Variants in PTPRN2 observed in about 807,000 individuals in gnomAD.
PTPRN2 encodes receptor-type tyrosine-protein phosphatase N2.
PTPRN2 carries 74 observed loss-of-function variants against 118.8 expected under a neutral mutation model. The observed-to-expected ratio is 0.62, with a 90% CI of 0.52 to 0.76. PTPRN2 has a LOEUF of 0.76. Among genes scored for constraint, PTPRN2 ranks in the 30% least tolerant of loss-of-function variants. PTPRN2 has a pLI of 0.00. For missense variants in PTPRN2, 1,481 were observed against 1,394.4 expected (o/e 1.06, Z -0.99); for synonymous variants, 641 against 608.0 (o/e 1.05, Z -0.80).
chr7:158,327,765 T>G (rs184591155), intron 2 of PTPRN2, among the ~76,000 whole-genome samples: 1 of 152,286 alleles, frequency 6.6e-6, no homozygotes, highest in Admixed American at 6.5e-5. Context: ...GAGGCTGCCT[T>G]GCCAAAGTAC....
Position 157,967,989 on chromosome 7 carries a change from G to A in PTPRN2, c.1724-69252C>T, listed in dbSNP as rs533429144. Among the ~76,000 whole-genome samples the A allele has an allele frequency of 3.3e-5, 5 of 152,196 alleles. No homozygotes were observed. In the South Asian group the frequency reaches 8.3e-4, roughly 25 times the overall value. On this transcript the variant is annotated intron_variant, in intron 11 of 22. Coordinates refer to ENST00000389418, the MANE Select transcript of PTPRN2 (RefSeq NM_002847.5). Reference sequence around the variant, plus strand: ...GATCATTTGTTAGTAACATACCTTTGGACACTGGCTTCATTCTTCAGTATC... The same window carrying A: ...GATCATTTGTTAGTAACATACCTTTAGACACTGGCTTCATTCTTCAGTATC...
At chr7:158,147,730 C>T (rs1198658969) in intron 6 of PTPRN2, among the ~76,000 whole-genome samples, 8 of 135,222 alleles carry the variant, frequency 5.9e-5, no homozygotes, top group Non-Finnish European at 6.4e-5. Context: ...CCCCATCTCA[C>T]GCCACGTGTC....
At chr7:157,846,955 C>G (rs1211560445) in intron 12 of PTPRN2, among the ~76,000 whole-genome samples, 9 of 149,220 alleles carry the variant, frequency 6.0e-5, no homozygotes, top group African/African-American at 1.2e-4. Context: ...TTCATGTGTG[C>G]CCAATGTTTA....
chr7:157,805,575 G>C (rs1805582110), intron 12 of PTPRN2, among the ~76,000 whole-genome samples: 2 of 152,290 alleles, frequency 1.3e-5, no homozygotes, highest in South Asian at 4.1e-4. Flanking sequence ...ACTCCCGGTT[G>C]TTTAAAGTCA....
intron 2 of PTPRN2, among the ~76,000 whole-genome samples, chr7:158,428,860 G>A (rs1162163479): frequency 6.6e-6 from 1 of 152,186 alleles, no homozygotes; most frequent in Non-Finnish European, 1.5e-5. Flanking sequence ...CATGGCAATG[G>A]AAATTATAAA....
chr7:158,006,616 T>C (rs1805647161), intron 11 of PTPRN2, among the ~76,000 whole-genome samples: 2 of 152,172 alleles, frequency 1.3e-5, no homozygotes, highest in African/African-American at 2.4e-5. Context: ...TGGACGGCAA[T>C]GGCTTCCTTA....
At position 158,133,196 on chromosome 7, in the gene PTPRN2, A is replaced by C. The variant is rs117420650; in HGVS notation, c.1556+481T>G. 4.4e-3 allele frequency among the ~76,000 whole-genome samples: 663 copies of C among 152,246 alleles called. 15 individuals are homozygous for C. The highest frequency in any genetic ancestry group is 0.04 in the East Asian group (205 of 5,156). ...CACTTTGGTGCAAAACAGATAAAGCACCTGGAGTCCTTCCTAACAGGCAGG... is the reference window on the plus strand; with the variant it reads ...CACTTTGGTGCAAAACAGATAAAGCCCCTGGAGTCCTTCCTAACAGGCAGG... On this transcript the variant is annotated intron_variant, in intron 9 of 22. Coordinates refer to ENST00000389418, the MANE Select transcript of PTPRN2 (RefSeq NM_002847.5).
At chr7:158,251,152 C>T (rs982390297) in intron 3 of PTPRN2, among the ~76,000 whole-genome samples, 1 of 152,140 alleles carries the variant, frequency 6.6e-6, no homozygotes, top group Admixed American at 6.5e-5. Flanking sequence ...AAGAACCACA[C>T]AGCATGACGG....
At chr7:158,560,103 G>A (rs1002857110) in intron 1 of PTPRN2, among the ~76,000 whole-genome samples, 4 of 152,204 alleles carry the variant, frequency 2.6e-5, no homozygotes, top group African/African-American at 4.8e-5. Context: ...TTTAGGACCG[G>A]CTTCTTTCAC....
chr7:158,387,175 C>T (rs111618351), intron 2 of PTPRN2, among the ~76,000 whole-genome samples: 7 of 152,362 alleles, frequency 4.6e-5, no homozygotes, highest in African/African-American at 1.7e-4. Flanking sequence ...TCAGCTTCAA[C>T]CAGCGGCTGC....
intron 3 of PTPRN2, among the ~76,000 whole-genome samples, chr7:158,312,789 A>C (rs934306996): frequency 2.7e-5 from 4 of 146,916 alleles, no homozygotes; most frequent in East Asian, 4.2e-4. Flanking sequence ...ACGCACACAC[A>C]CCTGCACACT....
In PTPRN2 at chr7:158,262,620, C is replaced by A. The variant is rs199932083; in HGVS notation, c.277+54199G>T. Among the ~76,000 whole-genome samples the A allele has an allele frequency of 3.0e-4, 44 of 148,272 alleles. No homozygotes were observed. In the East Asian group the frequency reaches 8.6e-3, roughly 29 times the overall value. On this transcript the variant is annotated intron_variant, in intron 3 of 22. Coordinates refer to ENST00000389418, the MANE Select transcript of PTPRN2 (RefSeq NM_002847.5). ...CACATTCACACACACTGCACACACA[C>A]ATACATTCACACTGCAAACATTCAC...
chr7:157,979,044 G>T (rs540721715), intron 11 of PTPRN2, among the ~76,000 whole-genome samples: 2 of 151,950 alleles, frequency 1.3e-5, no homozygotes, highest in Non-Finnish European at 2.9e-5. Flanking sequence ...ACCAAGGGCC[G>T]CCCTCCCCCA....
intron 2 of PTPRN2, among the ~76,000 whole-genome samples, chr7:158,395,764 G>C (rs192012419): frequency 0.11 from 5,741 of 54,598 alleles, 1,246 homozygotes; most frequent in East Asian, 0.41. Context: ...AGGCGCGAGG[G>C]GCGAGGGGTG....
chr7:158,149,252 G>T (rs1011778316), intron 6 of PTPRN2, among the ~76,000 whole-genome samples: 4 of 151,820 alleles, frequency 2.6e-5, no homozygotes, highest in Admixed American at 6.6e-5. Context: ...TATAGTACAG[G>T]GAACCCAATT....
At chr7:157,662,942 G>A (rs553882920) in intron 13 of PTPRN2, among the ~76,000 whole-genome samples, 9 of 152,136 alleles carry the variant, frequency 5.9e-5, no homozygotes, top group African/African-American at 1.7e-4. Context: ...GCTCAGCCAC[G>A]TTCACGCAGC....
chr7:158,072,109 CTCATGG>C (rs1811978492), intron 11 of PTPRN2, among the ~76,000 whole-genome samples: 1 of 141,292 alleles, frequency 7.1e-6, no homozygotes, highest in Non-Finnish European at 1.6e-5. Flanking sequence ...TATGGAGGTG[CTCATGG>C]TGGTGGAGGT....
chr7:158,151,846 C>T (rs1389770394), intron 6 of PTPRN2, among the ~76,000 whole-genome samples: 4 of 152,214 alleles, frequency 2.6e-5, no homozygotes, highest in Admixed American at 6.5e-5. Context: ...TGTGTGACTT[C>T]CATCTATGTT....
At chr7:158,132,444 GCA>G (rs889358621) in intron 9 of PTPRN2, among the ~76,000 whole-genome samples, 14 of 132,050 alleles carry the variant, frequency 1.1e-4, no homozygotes, top group South Asian at 2.8e-4. Context: ...ACATACATAT[GCA>G]CAAACATATC....
Sources: gnomAD v4.1 joint callset for allele counts (sites outside exome capture counted in the v4.1 genomes callset) on GRCh38, gnomAD v4.1.1 for gene constraint, MANE v1.5 for transcripts, NCBI Gene and HGNC (gene_info 2026-07-23, HGNC 2026-07-21) for gene names.